The following PPIP5K2 variants were observed in gnomAD, a reference collection of about 807,000 sequenced individuals.
The protein encoded by PPIP5K2 is diphosphoinositol pentakisphosphate kinase 2, also known as inositol hexakisphosphate and diphosphoinositol-pentakisphosphate kinase 2.
Under a neutral mutation model 154.6 loss-of-function variants are expected in PPIP5K2, and 105 were observed. That is an observed-to-expected ratio of 0.68 (90% CI 0.58 to 0.80). The LOEUF (loss-of-function observed/expected upper bound fraction) is 0.80. PPIP5K2 is among the 30% of genes least tolerant of loss of function. The pLI, the probability that PPIP5K2 is intolerant of heterozygous loss-of-function variation, is 0.00. For missense variants in PPIP5K2, 992 were observed against 1,504.6 expected, an observed-to-expected ratio of 0.66 and a Z score of 5.64; for synonymous variants, 480 against 490.3, an observed-to-expected ratio of 0.98 and a Z score of 0.28.
chr5:103,120,519 G>A (rs1554198641), intron 1 of PPIP5K2, 31 bp downstream of exon 1: 5 of 456,566 alleles, frequency 1.1e-5, no homozygotes, highest in East Asian at 7.0e-5. Context: ...GAGAACCGGA[G>A]ATGCGGAACC....
rs1165502806 is a variant in PPIP5K2 at position 103,209,801 on chromosome 5, G to A, written c.*8167G>A. On this transcript the variant is annotated 3_prime_UTR_variant, in exon 31 of 31. Transcript: ENST00000358359. ...AAATTAGGAGAAAAGAGAAAGCAGA[G>A]GAGGGGTGAGACAGAGAACAAAAGA... 6.6e-6 allele frequency: 1 copy of A among 152,068 alleles called. No homozygotes were observed. Among genetic ancestry groups the A allele is most frequent in the African/African-American group, 2.4e-5 (1 of 41,412 alleles). The allele number at this position is 152,068 out of a possible 1,614,324, so 9.4% of individuals were successfully genotyped here.
At chr5:103,141,220 A>T (rs989966312) in intron 5 of PPIP5K2, among the ~76,000 whole-genome samples, 2 of 152,076 alleles carry the variant, frequency 1.3e-5, no homozygotes, top group Admixed American at 6.5e-5. Context: ...GAAGCCGCAG[A>T]CCCTCGCGGT....
rs1800545947 is a variant in PPIP5K2 at position 103,187,320 on chromosome 5, C to T, written c.3296C>T (p.Thr1099Ile). Residue 1099 changes from threonine to isoleucine, a missense_variant, in exon 28 of 31, where the codon ACA becomes ATA. By Grantham distance (89) the Thr-to-Ile change is moderately conservative. Around this residue, in one of 9 missense-constraint regions of PPIP5K2, gnomAD observed 204 missense variants for 224.0 expected, o/e 0.91. Coordinates refer to ENST00000358359, the MANE Select transcript of PPIP5K2 (RefSeq NM_001276277.3). ...LTSSGCIDDATRGSAVKRFSI... is the reference protein window; with the variant it reads ...LTSSGCIDDAIRGSAVKRFSI... ...CTGTTTTTCTCTTTCTTAGACGCCA[C>T]ACGCGGTTCTGCTGTTAAAAGGTTT... 6.5e-7 allele frequency: 1 copy of T among 1,534,894 alleles called. No homozygotes were observed. Among genetic ancestry groups the T allele is most frequent in the South Asian group, 1.2e-5 (1 of 83,988 alleles).
chr5:103,161,548 A>G (rs1227691253), intron 17 of PPIP5K2, among the ~76,000 whole-genome samples: 2 of 152,130 alleles, frequency 1.3e-5, no homozygotes, highest in African/African-American at 4.8e-5. Flanking sequence ...GTCTTCCACA[A>G]TGGTTGAACT....
At chr5:103,181,497 G>A (rs1799543061) in intron 24 of PPIP5K2, among the ~76,000 whole-genome samples, 1 of 152,000 alleles carries the variant, frequency 6.6e-6, no homozygotes, top group African/African-American at 2.4e-5. Flanking sequence ...GAACCTGGGA[G>A]GCGGAGGTTG....
intron 1 of PPIP5K2, among the ~76,000 whole-genome samples, chr5:103,127,246 A>G (rs1789848816): frequency 6.6e-6 from 1 of 152,230 alleles, no homozygotes; most frequent in South Asian, 2.1e-4. Flanking sequence ...ACATATAAGT[A>G]CATACCTATA....
chr5:103,188,890 A>G, intron 28 of PPIP5K2: 1 of 312,142 alleles, frequency 3.2e-6, no homozygotes, highest in Non-Finnish European at 5.8e-6. Flanking sequence ...TTCCGCACAT[A>G]CAAATGCACA....
rs1554232648 is a variant in PPIP5K2 at position 103,212,519 on chromosome 5, G to A, written c.*10885G>A. 2 of 152,084 alleles carry A rather than the reference G, an allele frequency of 1.3e-5. No homozygotes were observed. The highest frequency in any genetic ancestry group is 2.9e-5 in the Non-Finnish European group (2 of 67,974). The allele number at this position is 152,084 out of a possible 1,614,324, so 9.4% of individuals were successfully genotyped here. Reference sequence around the variant, plus strand: ...ATGATGACTTCATAAATGTGCCTGGGCTGGCCTTTAATGGAAGGCTTTAAT... The same window carrying A: ...ATGATGACTTCATAAATGTGCCTGGACTGGCCTTTAATGGAAGGCTTTAAT... On this transcript the variant is annotated 3_prime_UTR_variant, in exon 31 of 31. Transcript: ENST00000358359.
At chr5:103,179,535 G>A (rs1440120451) in intron 23 of PPIP5K2, among the ~76,000 whole-genome samples, 1 of 152,018 alleles carries the variant, frequency 6.6e-6, no homozygotes, top group Non-Finnish European at 1.5e-5. Context: ...TGCTTAATGA[G>A]TCACTGAATG....
intron 19 of PPIP5K2, among the ~76,000 whole-genome samples, chr5:103,170,018 A>G (rs927037258): frequency 6.6e-5 from 10 of 151,558 alleles, no homozygotes; most frequent in Non-Finnish European, 1.3e-4. Flanking sequence ...TGCTTATTTA[A>G]TCTCACCCCT....
At chr5:103,136,903 G>A in intron 4 of PPIP5K2, 81 bp downstream of exon 4, 1 of 981,188 alleles carries the variant, frequency 1.0e-6, no homozygotes, top group Admixed American at 1.8e-5. Context: ...ATGGCATCAG[G>A]TGTTTTTGCA....
At chr5:103,134,740 C>T (rs1554203658) in intron 3 of PPIP5K2, among the ~76,000 whole-genome samples, 1 of 152,076 alleles carries the variant, frequency 6.6e-6, no homozygotes, top group Non-Finnish European at 1.5e-5. Context: ...TTCTCTTTAA[C>T]AAAAACAAAA....
At chr5:103,158,144 G>T (rs1795700679) in intron 14 of PPIP5K2, 44 bp from the exon 15 acceptor site, 2 of 1,585,444 alleles carry the variant, frequency 1.3e-6, no homozygotes, top group East Asian at 4.5e-5. Flanking sequence ...TCTGTTTAAA[G>T]AAATAAACTT....
intron 17 of PPIP5K2, among the ~76,000 whole-genome samples, chr5:103,163,097 T>G (rs1036041716): frequency 6.6e-6 from 1 of 151,254 alleles, no homozygotes; most frequent in Non-Finnish European, 1.5e-5. Flanking sequence ...TTTTTTTTTT[T>G]TTTTTTTTTT....
At position 103,149,283 on chromosome 5, in the gene PPIP5K2, A is replaced by C. The variant is rs373185197; in HGVS notation, c.876A>C (p.Leu292Phe). The change falls in exon 8 of 31, where the codon TTA (leucine) becomes TTC (phenylalanine). Residue 292 changes from leucine (L) to phenylalanine (F), a missense_variant. By Grantham distance (22) the Leu-to-Phe change is conservative. This residue lies in a region of PPIP5K2 where 163 missense variants were observed against 285.2 expected (regional missense o/e 0.57). Coordinates refer to ENST00000358359, the MANE Select transcript of PPIP5K2 (RefSeq NM_001276277.3). ...TTATTCTCAATGCACGAGAGAAATT[A>C]ATTGCTTGGAAAGTCTGCCTTGCTT... ...YPVILNAREK[L>F]IAWKVCLAFK... The C allele has an allele frequency of 1.9e-6, 3 of 1,613,650 alleles. No homozygotes were observed. Among genetic ancestry groups the C allele is most frequent in the Non-Finnish European group, 2.5e-6 (3 of 1,179,678 alleles).
Position 103,133,542 on chromosome 5 carries a change from C to G in PPIP5K2, c.204C>G (p.Ser68=), listed in dbSNP as rs1554203290. The change falls in exon 3 of 31, where the codon TCC becomes TCG. Residue 68 remains serine (S), a synonymous_variant. Coordinates refer to ENST00000358359, the MANE Select transcript of PPIP5K2 (RefSeq NM_001276277.3). ...KPMKEILERI[S]LFKYITVVVF... ...TGAAGGAAATTCTTGAACGGATCTC[C>G]TTATTTAAATATATCACAGTAGTAG... The G allele has an allele frequency of 6.2e-7, 1 of 1,612,684 alleles. No individual in the cohort carries two copies. The highest frequency in any genetic ancestry group is 8.5e-7 in the Non-Finnish European group (1 of 1,179,524).
Position 103,210,749 on chromosome 5 carries a change from T to A in PPIP5K2, c.*9115T>A, listed in dbSNP as rs1185626821. The A allele has an allele frequency of 6.6e-6, 1 of 152,166 alleles. No homozygotes were observed. Among genetic ancestry groups the A allele is most frequent in the African/African-American group, 2.4e-5 (1 of 41,452 alleles). 9.4% of individuals were successfully genotyped at this position (152,166 alleles called of 1,614,324 possible). A position where few individuals can be genotyped will look rare whatever the true frequency, so the allele number is the denominator to read the frequency against. The stretch of plus-strand genomic sequence containing the variant: ...TGAGGAATTTACTTGGTTAATACAG[T>A]TAATAGTATAATACTTATAATAACA... On this transcript the variant is annotated 3_prime_UTR_variant, in exon 31 of 31. Transcript: ENST00000358359.
At chr5:103,131,243 G>A (rs1790555272) in intron 2 of PPIP5K2, among the ~76,000 whole-genome samples, 1 of 152,126 alleles carries the variant, frequency 6.6e-6, no homozygotes, top group South Asian at 2.1e-4. Context: ...ACCAAAATCT[G>A]CAGATGCTGA....
intron 14 of PPIP5K2, among the ~76,000 whole-genome samples, chr5:103,156,785 C>A (rs1795483116): frequency 6.6e-6 from 1 of 152,072 alleles, no homozygotes; most frequent in Non-Finnish European, 1.5e-5. Flanking sequence ...TTCTGCTTAT[C>A]AGGATCTAAC....
Sources: allele counts gnomAD v4.1 joint callset (sites outside exome capture counted in the v4.1 genomes callset), GRCh38; gene constraint gnomAD v4.1.1; regional missense constraint gnomAD v4.1.1; transcripts MANE v1.5; gene names NCBI Gene and HGNC (gene_info 2026-07-23, HGNC 2026-07-21).